Variants in HNRNPH1 observed in about 807,000 individuals in gnomAD.
HNRNPH1 encodes heterogeneous nuclear ribonucleoprotein H1.
In HNRNPH1, 4 loss-of-function variants were observed where a neutral mutation model predicts 58.6. The observed-to-expected ratio is 0.07, with a 90% confidence interval of 0.03 to 0.16. The LOEUF (loss-of-function observed/expected upper bound fraction) is 0.16, where lower values mean the gene tolerates loss of function less well. HNRNPH1 is among the 10% of genes least tolerant of loss of function. HNRNPH1 has a pLI of 1.00. For missense variants in HNRNPH1, 271 were observed against 564.2 expected, an observed-to-expected ratio of 0.48 and a Z score of 5.26; for synonymous variants, 192 against 189.2, an observed-to-expected ratio of 1.01 and a Z score of -0.12.
At chr5:179,615,230 G>C in intron 12 of HNRNPH1, 3 of 425,266 alleles carry the variant, frequency 7.1e-6, no homozygotes, top group East Asian at 7.2e-5. Flanking sequence ...AGGAAAACTA[G>C]TGTTTTTCAA....
Position 179,617,495 on chromosome 5 carries a change from A to G in HNRNPH1, c.1057+19T>C. Reference sequence around the variant, plus strand: ...CACAATCACCTGTTAAGAGCCCACAAATGCTCAATCACACTTACGCATATT... The same window carrying G: ...CACAATCACCTGTTAAGAGCCCACAGATGCTCAATCACACTTACGCATATT... On this transcript the variant is annotated intron_variant, in intron 8 of 12. Transcript: ENST00000356731. The G allele has an allele frequency of 6.2e-7, 1 of 1,610,538 alleles. No individual in the cohort carries two copies.
At chr5:179,616,563 A>C (rs970998362) in intron 10 of HNRNPH1, 4 of 510,954 alleles carry the variant, frequency 7.8e-6, no homozygotes, top group African/African-American at 7.7e-5. Flanking sequence ...AATACACCTA[A>C]TTATGCCCAC....
At chr5:179,618,475 T>C (rs1420148584) in intron 4 of HNRNPH1, 152 bp from the exon 6 acceptor site, 3 of 525,638 alleles carry the variant, frequency 5.7e-6, no homozygotes, top group Non-Finnish European at 9.8e-6. Context: ...GCATAGGCAA[T>C]GACCAGAAAT....
intron 9 of HNRNPH1, 39 bp from the exon 11 acceptor site, chr5:179,616,997 A>C (rs772660719): frequency 6.2e-7 from 1 of 1,603,940 alleles, no homozygotes; most frequent in Non-Finnish European, 8.5e-7. Flanking sequence ...TAGCTTAAAA[A>C]AAAGACACTA....
intron 3 of HNRNPH1, among the ~76,000 whole-genome samples, chr5:179,620,206 AGC>A (rs1406227977): frequency 1.3e-5 from 2 of 152,350 alleles, no homozygotes; most frequent in East Asian, 3.9e-4. Flanking sequence ...TCCTGCTTCC[AGC>A]GTATCACATC....
chr5:179,632,740 C>T (rs1581777130), intron 2 of HNRNPH1, among the ~76,000 whole-genome samples: 1 of 143,344 alleles, frequency 7.0e-6, no homozygotes, highest in Non-Finnish European at 1.5e-5. Flanking sequence ...CTGTCTAAAG[C>T]CAAATCAAAT....
At chr5:179,624,334 A>G (rs911688527) in exon 1 of HNRNPH1, 1 of 394,500 alleles carries the variant, frequency 2.5e-6, no homozygotes, top group Non-Finnish European at 4.5e-6. Flanking sequence ...CGTCGGGCCT[A>G]GGGCCCCGGT....
At chr5:179,618,176 A>G (rs1233856961) in exon 5 of HNRNPH1, 1 of 1,613,934 alleles carries the variant, frequency 6.2e-7, no homozygotes, top group African/African-American at 1.3e-5. Flanking sequence ...TCATCCTCTC[A>G]AAGCCAGCTC....
chr5:179,623,143 C>T (rs576220252), exon 1 of HNRNPH1: 17 of 1,593,998 alleles, frequency 1.1e-5, no homozygotes, highest in Non-Finnish European at 1.5e-5. Context: ...TCGTCTCTTA[C>T]GCGGTCCGGC....
intron 1 of HNRNPH1, 80 bp from the exon 3 acceptor site, chr5:179,621,477 T>C (rs1284764957): frequency 4.2e-6 from 5 of 1,195,702 alleles, no homozygotes; most frequent in South Asian, 1.3e-5. Flanking sequence ...GTCTATTCCA[T>C]GTCCCCACTA....
At chr5:179,624,372 C>T (rs1295773667) in exon 1 of HNRNPH1, 9 of 396,420 alleles carry the variant, frequency 2.3e-5, no homozygotes, top group African/African-American at 1.2e-4. Flanking sequence ...GCCTGTGGCT[C>T]GCGCCTGTAC....
Position 179,619,337 on chromosome 5 carries a change from GA to G in HNRNPH1, c.467del (p.Phe156SerfsTer9). The G allele has an allele frequency of 6.2e-7, 1 of 1,613,034 alleles. No homozygotes were observed. Among genetic ancestry groups the G allele is most frequent in the Non-Finnish European group, 8.5e-7 (1 of 1,179,426 alleles). ...CTATTTCCTGTGAAGCAAACTGCACGAAGGCCTCCCCCGTACTCCTCCCCTG... is the reference window on the plus strand; with the variant it reads ...CTATTTCCTGTGAAGCAAACTGCACGAGGCCTCCCCCGTACTCCTCCCCTG... On this transcript the variant is annotated frameshift_variant, in exon 4 of 13. Coordinates refer to ENST00000356731, the Ensembl canonical transcript of HNRNPH1. LOFTEE classifies it high-confidence loss of function.
chr5:179,618,385 C>CA (rs1455829622), intron 4 of HNRNPH1, 62 bp from the exon 6 acceptor site: 1 of 1,166,968 alleles, frequency 8.6e-7, no homozygotes. Context: ...TCATTTTATA[C>CA]AGGTATTTAG....
At chr5:179,625,052 G>A (rs988550699), upstream of HNRNPH1, among the ~76,000 whole-genome samples, 2 of 152,170 alleles carry the variant, frequency 1.3e-5, no homozygotes, top group Admixed American at 6.5e-5. Flanking sequence ...CGTAAACCCT[G>A]TGTAAAGGAA....
chr5:179,631,122 G>C (rs1246241161), intron 2 of HNRNPH1, among the ~76,000 whole-genome samples: 1 of 152,042 alleles, frequency 6.6e-6, no homozygotes, highest in Non-Finnish European at 1.5e-5. Context: ...GGGGGTAGTG[G>C]GATGGGGAGG....
chr5:179,632,315 AAAAAAAG>A (rs1336634488), intron 2 of HNRNPH1, among the ~76,000 whole-genome samples: 12 of 54,538 alleles, frequency 2.2e-4, no homozygotes, highest in Non-Finnish European at 4.3e-4. Flanking sequence ...CTCAAAAAAA[AAAAAAAG>A]AAAAAAGAAA....
chr5:179,618,496 A>G, intron 4 of HNRNPH1, 173 bp from the exon 6 acceptor site: 1 of 505,256 alleles, frequency 2.0e-6, no homozygotes, highest in Non-Finnish European at 3.4e-6. Flanking sequence ...TCACTCAATA[A>G]ATAGTAAGAC....
At chr5:179,626,165 G>A (rs1481767378), upstream of HNRNPH1, among the ~76,000 whole-genome samples, 2 of 151,940 alleles carry the variant, frequency 1.3e-5, no homozygotes, top group Non-Finnish European at 2.9e-5. Flanking sequence ...GTACAGTGGT[G>A]CAATCTTGGC....
At chr5:179,622,039 A>T in intron 1 of HNRNPH1, 1 of 454,594 alleles carries the variant, frequency 2.2e-6, no homozygotes, top group Admixed American at 2.4e-5. Context: ...TTTCATCCAA[A>T]TAGAATTTTA....
Sources: gnomAD v4.1 joint callset for allele counts (sites outside exome capture counted in the v4.1 genomes callset) on GRCh38, gnomAD v4.1.1 for gene constraint, MANE v1.5 for transcripts, NCBI Gene and HGNC (gene_info 2026-07-23, HGNC 2026-07-21) for gene names.